GTF3C5: variants seen among roughly 807,000 people sequenced by gnomAD.
GTF3C5 encodes the protein general transcription factor IIIC subunit 5, also known as general transcription factor 3C polypeptide 5.
A neutral mutation model predicts 61.0 loss-of-function variants in GTF3C5; 47 were observed. The ratio of observed to expected loss-of-function variants is 0.77; its 90% confidence interval spans 0.61 to 0.98. The LOEUF (loss-of-function observed/expected upper bound fraction) is 0.98, where lower values mean the gene tolerates loss of function less well. GTF3C5 is among the 50% of genes least tolerant of loss of function. GTF3C5 has a pLI of 0.00. For synonymous variants in GTF3C5, 295 were observed against 275.4 expected, an observed-to-expected ratio of 1.07 and a Z score of -0.71; for missense variants, 659 against 703.3, an observed-to-expected ratio of 0.94 and a Z score of 0.71.
intron 3 of GTF3C5, among the ~76,000 whole-genome samples, chr9:133,045,328 G>A (rs1026401933): frequency 3.3e-5 from 5 of 152,156 alleles, no homozygotes; most frequent in African/African-American, 4.8e-5. Context: ...GCCACGTCCC[G>A]CCGGCAGCAC....
chr9:133,057,608 G>C (rs1829976542), intron 10 of GTF3C5, among the ~76,000 whole-genome samples: 1 of 152,182 alleles, frequency 6.6e-6, no homozygotes. Context: ...GCTGCTCATG[G>C]CTCCCCTGCT....
chr9:133,055,581 C>T (rs1335693277), intron 8 of GTF3C5: 25 of 985,446 alleles, frequency 2.5e-5, no homozygotes, highest in Non-Finnish European at 3.0e-5. Context: ...AGAGAGCAAA[C>T]ACTCACTAAG....
rs1391628169 is a variant in GTF3C5, at chr9:133,038,474, G to A, written c.154-3613G>A. Among the ~76,000 whole-genome samples the A allele has an allele frequency of 4.1e-5, 6 of 146,582 alleles. No individual in the cohort carries two copies. In the East Asian group the frequency reaches 1.2e-3, roughly 29 times the overall value. On this transcript the variant is annotated intron_variant, in intron 1 of 10. Transcript: ENST00000372097. ...GCTTTTTTTTTTTTTTTTTTGAGAC[G>A]GAGTCTGGCTCCGTCGCCCAGGCTG...
intron 1 of GTF3C5, among the ~76,000 whole-genome samples, chr9:133,036,985 A>G (rs1849881390): frequency 2.6e-5 from 4 of 152,086 alleles, no homozygotes; most frequent in African/African-American, 9.7e-5. Context: ...CTGTAGCTTC[A>G]CCAGATACCA....
At chr9:133,034,071 C>T (rs1055012403) in intron 1 of GTF3C5, among the ~76,000 whole-genome samples, 4 of 152,098 alleles carry the variant, frequency 2.6e-5, no homozygotes, top group South Asian at 2.1e-4. Flanking sequence ...TAACCCGTAC[C>T]GTCCGAATAC....
rs115283369 is a variant in GTF3C5, at chr9:133,051,910, G to A, written c.769-150G>A. On this transcript the variant is annotated intron_variant, in intron 4 of 10. Transcript: ENST00000372097. Reference sequence around the variant, plus strand: ...AGGGATGAATTAGTGAGAGCAGGAGGTCCTAGGGCCACGCCCTGTGTGTCC... The same window carrying A: ...AGGGATGAATTAGTGAGAGCAGGAGATCCTAGGGCCACGCCCTGTGTGTCC... 5 of 516,122 alleles carry A rather than the reference G, an allele frequency of 9.7e-6. No individual in the cohort carries two copies. The East Asian group carries it at 1.7e-4, about 17-fold the overall frequency. 32.0% of individuals were successfully genotyped at this position (516,122 alleles called of 1,614,324 possible).
chr9:133,053,798 C>T (rs750174335), intron 5 of GTF3C5, 30 bp from the exon 6 acceptor site: 4 of 1,444,464 alleles, frequency 2.8e-6, no homozygotes, highest in Admixed American at 3.5e-5. Context: ...CTTCACCTCA[C>T]CTCACATTTT....
At chr9:133,034,268 T>A (rs1399870556) in intron 1 of GTF3C5, among the ~76,000 whole-genome samples, 2 of 152,144 alleles carry the variant, frequency 1.3e-5, no homozygotes, top group African/African-American at 4.8e-5. Flanking sequence ...ACCAAACATT[T>A]GCCCAGTCAC....
intron 5 of GTF3C5, among the ~76,000 whole-genome samples, chr9:133,052,909 T>G (rs1850430164): frequency 6.6e-6 from 1 of 152,226 alleles, no homozygotes; most frequent in Non-Finnish European, 1.5e-5. Context: ...CTCTGCTCAC[T>G]GCAACCTCCG....
In GTF3C5 at chr9:133,042,092, C is replaced by T. The variant is rs762103441; in HGVS notation, c.159C>T (p.Tyr53=). The T allele has an allele frequency of 8.7e-6, 14 of 1,612,586 alleles. No individual in the cohort carries two copies. Among genetic ancestry groups the T allele is most frequent in the Middle Eastern group, 3.6e-4 (2 of 5,554 alleles). Reference sequence around the variant, plus strand: ...CTCCTTTGGCCTTGCCACAGATCTACGCAGACCCCACCAAGAGGCTGGAGC... The same window carrying T: ...CTCCTTTGGCCTTGCCACAGATCTATGCAGACCCCACCAAGAGGCTGGAGC... The part of the protein sequence containing the change: ...LGGEEGVSRI[Y]ADPTKRLELY... The change falls in exon 2 of 11, where the codon TAC becomes TAT. Residue 53 remains tyrosine, a synonymous_variant. Coordinates refer to ENST00000372097, the MANE Select transcript of GTF3C5 (RefSeq NM_012087.4).
intron 3 of GTF3C5, chr9:133,044,294 G>A (rs1190874898): frequency 1.8e-5 from 4 of 226,086 alleles, no homozygotes; most frequent in Non-Finnish European, 3.5e-5. Context: ...CTGTGTGATC[G>A]CCAGGTTGGC....
At chr9:133,057,698 G>A in intron 10 of GTF3C5, 116 bp from the exon 11 acceptor site, 1 of 933,962 alleles carries the variant, frequency 1.1e-6, no homozygotes, top group Admixed American at 3.0e-5. Context: ...AGCTTCTTAA[G>A]AGCTCGAGCT....
rs528352257 is a variant in GTF3C5 at position 133,049,935 on chromosome 9, TC to T, written c.573-847del. ...CAGTGGATGAACCTATGCTGAGACG[TC>T]GTCACCCAGTGTCCGTAGTTGACAT... On this transcript the variant is annotated intron_variant, in intron 3 of 10. Coordinates refer to ENST00000372097, the MANE Select transcript of GTF3C5 (RefSeq NM_012087.4). 2.1e-3 allele frequency among the ~76,000 whole-genome samples: 319 copies of T among 152,286 alleles called. 1 individual carries two copies. The highest frequency in any genetic ancestry group is 7.2e-3 in the African/African-American group (298 of 41,562).
At chr9:133,055,728 C>T (rs747590607) in intron 8 of GTF3C5, 47 of 1,293,016 alleles carry the variant, frequency 3.6e-5, no homozygotes, top group Non-Finnish European at 4.4e-5. Flanking sequence ...CTAGTGCCAG[C>T]CCCATGCCAT....
At chr9:133,043,954 TTC>T in intron 3 of GTF3C5, 28 bp downstream of exon 3, 1 of 1,550,640 alleles carries the variant, frequency 6.4e-7, no homozygotes. Context: ...GCAGCCTCGG[TTC>T]TCTATCCTGA....
At chr9:133,031,444 A>G (rs944643067) in intron 1 of GTF3C5, among the ~76,000 whole-genome samples, 3 of 151,934 alleles carry the variant, frequency 2.0e-5, no homozygotes, top group Admixed American at 1.3e-4. Flanking sequence ...CTCCGCCTCC[A>G]GGGTTCAAGC....
At chr9:133,057,777 C>A (rs768300765) in intron 10 of GTF3C5, 37 bp from the exon 11 acceptor site, 2 of 1,540,572 alleles carry the variant, frequency 1.3e-6, no homozygotes, top group Non-Finnish European at 8.7e-7. Flanking sequence ...CGGCAGCCTG[C>A]ATGGGACACC....
At chr9:133,043,632 C>G in intron 2 of GTF3C5, 96 bp from the exon 3 acceptor site, 1 of 959,872 alleles carries the variant, frequency 1.0e-6, no homozygotes, top group Non-Finnish European at 1.7e-6. Context: ...ACCACATGGC[C>G]CACTCAGCAC....
At chr9:133,041,028 G>A (rs1190459279) in intron 1 of GTF3C5, among the ~76,000 whole-genome samples, 1 of 152,262 alleles carries the variant, frequency 6.6e-6, no homozygotes, top group Non-Finnish European at 1.5e-5. Context: ...ATGGTGAGAA[G>A]TGACCAGAAG....
Sources: gnomAD v4.1 joint callset for allele counts (sites outside exome capture counted in the v4.1 genomes callset) on GRCh38, gnomAD v4.1.1 for gene constraint, MANE v1.5 for transcripts, NCBI Gene and HGNC (gene_info 2026-07-23, HGNC 2026-07-21) for gene names.